Variants in MYL3 observed in about 807,000 individuals in gnomAD.
MYL3 encodes the protein CMLC1.
A neutral mutation model predicts 21.3 loss-of-function variants in MYL3; 11 were observed. The ratio of observed to expected loss-of-function variants is 0.52; its 90% CI spans 0.32 to 0.85. MYL3 has a LOEUF of 0.85. Ranked by LOEUF, MYL3 falls within the 40% of genes least tolerant of loss-of-function variation. MYL3 has a pLI of 0.03. For synonymous variants in MYL3, 88 were observed against 91.6 expected (o/e 0.96, Z 0.22); for missense variants, 206 against 253.3 (o/e 0.81, Z 1.27).
chr3:46,868,585 GGTGTCCTGGCCGGCT>G (rs1467009937), intron 1 of MYL3, among the ~76,000 whole-genome samples: 2 of 152,216 alleles, frequency 1.3e-5, no homozygotes, highest in African/African-American at 2.4e-5. Context: ...TTAGGGCTGT[GGTGTCCTGGCCGGCT>G]GTGGCCACGG....
chr3:46,867,401 C>T (rs1015318403), upstream of MYL3, among the ~76,000 whole-genome samples: 1 of 152,224 alleles, frequency 6.6e-6, no homozygotes, highest in African/African-American at 2.4e-5. Flanking sequence ...CGGGGGGTCA[C>T]ACTCTTGGCA....
intron 1 of MYL3, among the ~76,000 whole-genome samples, chr3:46,871,946 T>C (rs1246123108): frequency 2.6e-5 from 4 of 152,134 alleles, no homozygotes; most frequent in Non-Finnish European, 4.4e-5. Flanking sequence ...GGTCCTGGGA[T>C]TGGGGTTGGG....
upstream of MYL3, among the ~76,000 whole-genome samples, chr3:46,865,667 G>A (rs1274489556): frequency 6.6e-6 from 1 of 152,214 alleles, no homozygotes; most frequent in Non-Finnish European, 1.5e-5. The surrounding 1 kb of genome is among the most constrained non-coding windows in gnomAD (Gnocchi z 4.3). Context: ...CCAGTGACAA[G>A]AGCATCCTGG....
chr3:46,866,216 A>G (rs1005548125), upstream of MYL3, among the ~76,000 whole-genome samples: 4 of 152,210 alleles, frequency 2.6e-5, no homozygotes, highest in Non-Finnish European at 5.9e-5. Context: ...TGTGCCCTTC[A>G]GGAGTCAGCC....
Position 46,861,547 on chromosome 3 carries a change from TAA to T in MYL3, c.130-562_130-561del, listed in dbSNP as rs933280816. Among the ~76,000 whole-genome samples the T allele has an allele frequency of 6.6e-6, 1 of 152,118 alleles. No individual in the cohort carries two copies. The highest frequency in any genetic ancestry group is 2.4e-5 in the African/African-American group (1 of 41,410). On this transcript the variant is annotated intron_variant, in intron 1 of 6. Transcript: ENST00000292327. The surrounding 1 kb of genome is among the most constrained non-coding windows in gnomAD (Gnocchi z 4.2). The stretch of plus-strand genomic sequence containing the variant: ...TGCCCTCACAGAGCCCCCTAAGCCC[TAA>T]AGACCAGGCAGTCACTCACCAGCCC...
upstream of MYL3, among the ~76,000 whole-genome samples, chr3:46,865,030 G>A (rs115663215): frequency 5.9e-5 from 9 of 152,224 alleles, no homozygotes; most frequent in Non-Finnish European, 1.0e-4. The surrounding 1 kb of genome is among the most constrained non-coding windows in gnomAD (Gnocchi z 4.3). Flanking sequence ...CAAAGCCAGG[G>A]ATTTCCCTGG....
chr3:46,860,435 C>G lies in MYL3; in HGVS notation c.307+241G>C, dbSNP rs73833654. Among the ~76,000 whole-genome samples, 1 of 152,214 alleles carries G rather than the reference C, an allele frequency of 6.6e-6. No individual in the cohort carries two copies. The highest frequency in any genetic ancestry group is 2.4e-5 in the African/African-American group (1 of 41,434). On this transcript the variant is annotated intron_variant, in intron 3 of 6. Transcript: ENST00000292327. The surrounding 1 kb of genome is among the most constrained non-coding windows in gnomAD (Gnocchi z 4.6). ...GTCACTGCCCGACCTTCTCACTTCT[C>G]CATAGGTGTCAGCGCCTACCACCAG...
At chr3:46,862,584 A>G (rs1037179098) in intron 1 of MYL3, among the ~76,000 whole-genome samples, 1 of 152,186 alleles carries the variant, frequency 6.6e-6, no homozygotes. Context: ...ACGTGCTGCT[A>G]TGCAGATACC....
chr3:46,875,958 C>A (rs968958222), intron 1 of MYL3, among the ~76,000 whole-genome samples: 1 of 152,246 alleles, frequency 6.6e-6, no homozygotes, highest in Admixed American at 6.5e-5. Flanking sequence ...ACTTCCTGTC[C>A]CCGGAGCTGA....
At chr3:46,875,962 G>C (rs1339651685) in intron 1 of MYL3, among the ~76,000 whole-genome samples, 2 of 152,354 alleles carry the variant, frequency 1.3e-5, no homozygotes. Flanking sequence ...CCTGTCCCCG[G>C]AGCTGAGGGC....
At chr3:46,875,313 T>C (rs1449109333) in intron 1 of MYL3, among the ~76,000 whole-genome samples, 2 of 152,200 alleles carry the variant, frequency 1.3e-5, no homozygotes, top group Admixed American at 1.3e-4. Context: ...GAAGACCTCC[T>C]GCTGAACAGA....
At chr3:46,870,169 A>AT (rs1212749065) in intron 1 of MYL3, among the ~76,000 whole-genome samples, 2 of 151,960 alleles carry the variant, frequency 1.3e-5, no homozygotes, top group African/African-American at 4.8e-5. Context: ...GCACACCATC[A>AT]TGCCACCCCT....
intron 1 of MYL3, among the ~76,000 whole-genome samples, chr3:46,873,027 C>T (rs1159785970): frequency 6.6e-6 from 1 of 152,212 alleles, no homozygotes; most frequent in Non-Finnish European, 1.5e-5. Context: ...AGCAGAGCCA[C>T]AGAGATAACC....
rs767749297 is a variant in MYL3, at chr3:46,860,344, T to C, written c.307+332A>G. 1.3e-5 allele frequency among the ~76,000 whole-genome samples: 2 copies of C among 152,106 alleles called. No individual in the cohort carries two copies. The highest frequency in any genetic ancestry group is 2.9e-5 in the Non-Finnish European group (2 of 68,004). ...AATCTCACTATGTTACCCAGGCTGGTCTCACTCCTGGCCTCAAGTGATCCT... is the reference window on the plus strand; with the variant it reads ...AATCTCACTATGTTACCCAGGCTGGCCTCACTCCTGGCCTCAAGTGATCCT... On this transcript the variant is annotated intron_variant, in intron 3 of 6. Transcript: ENST00000292327. The surrounding 1 kb of genome is among the most constrained non-coding windows in gnomAD (Gnocchi z 4.6).
chr3:46,871,269 T>A (rs1378925027), intron 1 of MYL3, among the ~76,000 whole-genome samples: 1 of 152,036 alleles, frequency 6.6e-6, no homozygotes, highest in Admixed American at 6.5e-5. Context: ...TGTTTGTGTG[T>A]GAACGTGTGT....
intron 1 of MYL3, among the ~76,000 whole-genome samples, chr3:46,870,766 A>T (rs1240818099): frequency 6.6e-6 from 1 of 152,116 alleles, no homozygotes; most frequent in East Asian, 1.9e-4. Context: ...ATGGGCCCCT[A>T]GACACTCCCT....
chr3:46,876,969 C>T (rs1273072909), intron 1 of MYL3, among the ~76,000 whole-genome samples: 1 of 152,188 alleles, frequency 6.6e-6, no homozygotes, highest in Non-Finnish European at 1.5e-5. Context: ...GTTCTGAACA[C>T]AGCTCGTTCT....
At chr3:46,869,179 G>A (rs1338075026) in intron 1 of MYL3, among the ~76,000 whole-genome samples, 1 of 152,072 alleles carries the variant, frequency 6.6e-6, no homozygotes, top group African/African-American at 2.4e-5. Context: ...CCTGCCACTG[G>A]GCCAAACCCT....
At chr3:46,865,502 G>A (rs773937593), upstream of MYL3, among the ~76,000 whole-genome samples, 6 of 152,136 alleles carry the variant, frequency 3.9e-5, no homozygotes, top group East Asian at 3.9e-4. The surrounding 1 kb of genome is among the most constrained non-coding windows in gnomAD (Gnocchi z 4.3). Context: ...CACAGACACC[G>A]CCAACAAGAC....
Sources: gnomAD v4.1 joint callset for allele counts (sites outside exome capture counted in the v4.1 genomes callset) on GRCh38, gnomAD v4.1.1 for gene constraint, Gnocchi (gnomAD v3.1) non-coding constraint, MANE v1.5 for transcripts, NCBI Gene and HGNC (gene_info 2026-07-23, HGNC 2026-07-21) for gene names.